The following ST18 variants were observed in gnomAD, a reference collection of about 807,000 sequenced individuals.
ST18 encodes the protein suppression of tumorigenicity 18 protein.
A neutral mutation model predicts 110.0 loss-of-function variants in ST18; 50 were observed. That is an observed-to-expected ratio of 0.45 (90% confidence interval 0.36 to 0.58). The LOEUF (loss-of-function observed/expected upper bound fraction) is 0.58, where lower values mean the gene tolerates loss of function less well. ST18 is among the 20% of genes least tolerant of loss of function. The pLI is 0.00. For missense variants in ST18, 1,306 were observed against 1,280.1 expected, an observed-to-expected ratio of 1.02 and a Z score of -0.31; for synonymous variants, 461 against 452.4, an observed-to-expected ratio of 1.02 and a Z score of -0.24.
intron 2 of ST18, among the ~76,000 whole-genome samples, chr8:52,276,200 CTACACATATACCACATAAT>C (rs2095257509): frequency 6.7e-6 from 1 of 150,178 alleles, no homozygotes; most frequent in Non-Finnish European, 1.5e-5. Flanking sequence ...ACACCACAAA[CTACACATATACCACATAAT>C]TACACACTAC....
chr8:52,314,984 C>G (rs1304145588), intron 2 of ST18, among the ~76,000 whole-genome samples: 1 of 152,172 alleles, frequency 6.6e-6, no homozygotes, highest in Non-Finnish European at 1.5e-5. Context: ...ACCCTGGCCC[C>G]CACTGGAGAT....
chr8:52,348,492 C>T (rs990303385), intron 2 of ST18, among the ~76,000 whole-genome samples: 1 of 152,232 alleles, frequency 6.6e-6, no homozygotes, highest in African/African-American at 2.4e-5. Context: ...GTGGCTCACG[C>T]CTGTAATCCC....
intron 2 of ST18, among the ~76,000 whole-genome samples, chr8:52,234,711 G>T (rs560632347): frequency 6.7e-6 from 1 of 148,882 alleles, no homozygotes; most frequent in South Asian, 2.1e-4. Flanking sequence ...CAATCAACAA[G>T]TGGATAAAGA....
At chr8:52,297,838 GA>G (rs2139467808) in intron 2 of ST18, among the ~76,000 whole-genome samples, 1 of 152,206 alleles carries the variant, frequency 6.6e-6, no homozygotes, top group Non-Finnish European at 1.5e-5. Context: ...GCATGCCCAG[GA>G]AAAAAAGTGA....
chr8:52,127,048 T>C (rs916991148), intron 22 of ST18, among the ~76,000 whole-genome samples: 7 of 152,248 alleles, frequency 4.6e-5, no homozygotes, highest in African/African-American at 1.4e-4. Context: ...TAATCAGTCA[T>C]TTAAAGTCTT....
rs552766258 is a variant in ST18 at position 52,188,278 on chromosome 8, C to T, written c.87-7966G>A. Among the ~76,000 whole-genome samples the T allele has an allele frequency of 2.7e-4, 41 of 152,192 alleles. No homozygotes were observed. In the South Asian group the frequency reaches 6.6e-3, roughly 25 times the overall value. On this transcript the variant is annotated intron_variant, in intron 8 of 25. Transcript: ENST00000689386. ...GGATCAGAGTTTGAGATCATGTGGTCAGGAAAAGCCCCATTAAGAAGACTG... is the reference window on the plus strand; with the variant it reads ...GGATCAGAGTTTGAGATCATGTGGTTAGGAAAAGCCCCATTAAGAAGACTG...
chr8:52,124,681 G>A (rs149129950), intron 23 of ST18, among the ~76,000 whole-genome samples: 43 of 152,256 alleles, frequency 2.8e-4, no homozygotes, highest in African/African-American at 9.9e-4. Flanking sequence ...TACTGAGCAT[G>A]TGAATGCTGG....
intron 23 of ST18, among the ~76,000 whole-genome samples, chr8:52,121,759 A>T (rs1025828864): frequency 3.3e-5 from 5 of 152,208 alleles, no homozygotes; most frequent in African/African-American, 7.2e-5. Flanking sequence ...GTGTGCCCTG[A>T]TGTTTACAGA....
rs528466457 is a variant in ST18, at chr8:52,172,085, G to A, written c.776C>T (p.Pro259Leu). 2.0e-5 allele frequency: 33 copies of A among 1,614,180 alleles called. No individual in the cohort carries two copies. The South Asian group carries it at 2.2e-4, about 11-fold the overall frequency. The change falls in exon 10 of 26, where the codon CCG becomes CTG. Residue 259 changes from proline (P) to leucine (L), a missense_variant. Transcript: ENST00000689386. ...RCDSETERKD[P>L]QNALAEPLDG... ...CAGGGGTTCTGCGAGAGCATTCTGC[G>A]GGTCTTTCCTTTCTGTTTCAGAATC...
chr8:52,179,261 T>G (rs2068355156), intron 9 of ST18, among the ~76,000 whole-genome samples: 1 of 152,180 alleles, frequency 6.6e-6, no homozygotes, highest in South Asian at 2.1e-4. Flanking sequence ...CCTAGAGGCA[T>G]GTGACTACCA....
In ST18 at chr8:52,159,073, C is replaced by T. The variant is rs201418763; in HGVS notation, c.1631G>A (p.Arg544Gln). 5.6e-6 allele frequency: 9 copies of T among 1,613,796 alleles called. No homozygotes were observed. The highest frequency in any genetic ancestry group is 2.2e-5 in the East Asian group (1 of 44,862). Residue 544 changes from arginine to glutamine, a missense_variant, in exon 15 of 26, where the codon CGA becomes CAA. Arg to Gln is a conservative substitution (Grantham distance 43, BLOSUM62 1). Coordinates refer to ENST00000689386, the MANE Select transcript of ST18 (RefSeq NM_001352837.2). ...GGTGTGGGCGCCTGCACTAGGCAGTCGATTAGGAAATTTCACTGGATTTGG... is the reference window on the plus strand; with the variant it reads ...GGTGTGGGCGCCTGCACTAGGCAGTTGATTAGGAAATTTCACTGGATTTGG... ...HFPNPVKFPNRLPSAGAHTQS... is the reference protein window; with the variant it reads ...HFPNPVKFPNQLPSAGAHTQS...
At chr8:52,215,673 C>G (rs1456360608) in intron 6 of ST18, among the ~76,000 whole-genome samples, 1 of 152,180 alleles carries the variant, frequency 6.6e-6, no homozygotes, top group African/African-American at 2.4e-5. Flanking sequence ...TACTTTAAAA[C>G]TACACAATAA....
chr8:52,352,501 T>C lies in ST18; in HGVS notation c.-465+56827A>G, dbSNP rs556390329. On this transcript the variant is annotated intron_variant, in intron 2 of 25. Coordinates refer to ENST00000689386, the MANE Select transcript of ST18 (RefSeq NM_001352837.2). Reference sequence around the variant, plus strand: ...CCAGAATCCATGTGTGCATCTCTTCTCTGCATATTTATGACTTTATTTTAA... The same window carrying C: ...CCAGAATCCATGTGTGCATCTCTTCCCTGCATATTTATGACTTTATTTTAA... Among the ~76,000 whole-genome samples the C allele has an allele frequency of 5.3e-5, 8 of 152,368 alleles. No individual in the cohort carries two copies. The East Asian group carries it at 1.5e-3, about 29-fold the overall frequency.
chr8:52,156,436 T>A (rs1402576573), intron 15 of ST18, among the ~76,000 whole-genome samples: 1 of 152,176 alleles, frequency 6.6e-6, no homozygotes, highest in African/African-American at 2.4e-5. Context: ...TAGCCTGCCA[T>A]GGTGGAAGAA....
At chr8:52,178,661 AAAAC>A (rs1196607746) in intron 9 of ST18, among the ~76,000 whole-genome samples, 11 of 145,998 alleles carry the variant, frequency 7.5e-5, no homozygotes, top group Non-Finnish European at 1.5e-4. Flanking sequence ...AAACCAAAAT[AAAAC>A]AAACAAAAAA....
At chr8:52,389,031 C>T (rs1838208659) in intron 2 of ST18, among the ~76,000 whole-genome samples, 2 of 150,830 alleles carry the variant, frequency 1.3e-5, no homozygotes, top group Non-Finnish European at 2.9e-5. Context: ...GAGAGAAGGG[C>T]AGACCAGGGC....
At chr8:52,220,977 G>A (rs549301651) in intron 4 of ST18, 129 bp from the exon 5 acceptor site, 1 of 152,296 alleles carries the variant, frequency 6.6e-6, no homozygotes, top group Admixed American at 6.5e-5. Context: ...TTGTACTACA[G>A]TAGAAATAGA....
At chr8:52,389,322 TTTG>T (rs1838391039) in intron 2 of ST18, among the ~76,000 whole-genome samples, 1 of 152,016 alleles carries the variant, frequency 6.6e-6, no homozygotes, top group African/African-American at 2.4e-5. Context: ...GCAGTGGAGG[TTTG>T]CAGGAAAGCT....
At chr8:52,245,585 T>A (rs1437156296) in intron 2 of ST18, among the ~76,000 whole-genome samples, 4 of 152,106 alleles carry the variant, frequency 2.6e-5, no homozygotes, top group Non-Finnish European at 4.4e-5. Flanking sequence ...CCACAAAAAT[T>A]TTCATTCTAA....
Sources: gnomAD v4.1 joint callset for allele counts (sites outside exome capture counted in the v4.1 genomes callset) on GRCh38, gnomAD v4.1.1 for gene constraint, MANE v1.5 for transcripts, NCBI Gene and HGNC (gene_info 2026-07-23, HGNC 2026-07-21) for gene names.